FBF1: variants seen among roughly 807,000 people sequenced by gnomAD.
FBF1 encodes fas-binding factor 1.
In FBF1, 119 loss-of-function variants were observed where a neutral mutation model predicts 147.2. The observed-to-expected ratio is 0.81, with a 90% CI of 0.70 to 0.94. The LOEUF is 0.94. Among genes scored for constraint, FBF1 ranks in the 40% least tolerant of loss-of-function variants. The probability of loss-of-function intolerance (pLI) is 0.00; values close to 1 mark genes in which losing one functional copy is unlikely to be tolerated. For synonymous variants in FBF1, 601 were observed against 609.0 expected, an observed-to-expected ratio of 0.99 and a Z score of 0.19; for missense variants, 1,449 against 1,500.8, an observed-to-expected ratio of 0.97 and a Z score of 0.57.
intron 10 of FBF1, 34 bp downstream of exon 10, chr17:75,926,724 C>T (rs1227447284): frequency 3.1e-6 from 5 of 1,593,994 alleles, no homozygotes; most frequent in Admixed American, 3.6e-5. Flanking sequence ...TAAACTCTTC[C>T]TCCAGGATGG....
rs2065578430 is a variant in FBF1 at position 75,928,978 on chromosome 17, A to AC, written c.280-786dup. 6.8e-6 allele frequency among the ~76,000 whole-genome samples: 1 copy of AC among 147,560 alleles called. No individual in the cohort carries two copies. Among genetic ancestry groups the AC allele is most frequent in the African/African-American group, 2.5e-5 (1 of 40,076 alleles). On this transcript the variant is annotated intron_variant, in intron 7 of 29. Transcript: ENST00000636174. This position sits in a 1 kb window ranked among gnomAD's most constrained non-coding sequence, Gnocchi z 4.2. Reference sequence around the variant, plus strand: ...AGTGCTGGCATTACAGGAGTAAGCCACCATGCCAGACTTTTTTTTTTTTTT... The same window carrying AC: ...AGTGCTGGCATTACAGGAGTAAGCCACCCATGCCAGACTTTTTTTTTTTTTT...
chr17:75,920,241 G>GA, intron 18 of FBF1, 33 bp downstream of exon 18: 1 of 1,599,704 alleles, frequency 6.3e-7, no homozygotes, highest in Non-Finnish European at 8.5e-7. Flanking sequence ...TCGCAACCCT[G>GA]CCACCAGCAC....
intron 1 of FBF1, chr17:75,940,467 G>C (rs1392390182): frequency 6.6e-6 from 1 of 151,904 alleles, no homozygotes; most frequent in Non-Finnish European, 1.5e-5. Context: ...TGTTGCCCAG[G>C]GTCGTCCCAG....
Position 75,913,979 on chromosome 17 carries a change from C to G in FBF1, c.3063G>C (p.Gln1021His), listed in dbSNP as rs764140634. The G allele has an allele frequency of 5.1e-6, 8 of 1,564,228 alleles. No homozygotes were observed. In the East Asian group the frequency reaches 1.9e-4, roughly 37 times the overall value. The change falls in exon 27 of 30, where the codon CAG (glutamine) becomes CAC (histidine). Residue 1021 changes from glutamine (Q) to histidine (H), a missense_variant. Gln to His is a conservative substitution (Grantham distance 24). Transcript: ENST00000636174. ...GTTGCTGCACCGCCTGCAACCGGGC[C>G]TGCTGCTCTGCCTGCACCTGCTGGG... ...REAQQVQAEQ[Q>H]ARLQAVQQQQ...
chr17:75,914,116 C>A lies in FBF1; in HGVS notation c.2991+6G>T. On this transcript the variant is annotated splice_donor_region_variant and intron_variant, in intron 26 of 29. Coordinates refer to ENST00000636174, the MANE Select transcript of FBF1 (RefSeq NM_001319193.2). ...ATGCGCCCACGCCCATGTGCCCGAG[C>A]AGCACCTTGCTCATGCTCTCCACCT... The A allele has an allele frequency of 1.3e-6, 2 of 1,598,610 alleles. No individual in the cohort carries two copies. The highest frequency in any genetic ancestry group is 8.5e-7 in the Non-Finnish European group (1 of 1,176,278).
In FBF1 at chr17:75,927,800, C is replaced by T. The variant is rs555416898; in HGVS notation, c.398-268G>A. ...GAGGCACAGGCTGCCATAGAGTTCT[C>T]CATTTTAACTCACACAGCTTCTCCA... On this transcript the variant is annotated intron_variant, in intron 8 of 29. Transcript: ENST00000636174. Among the ~76,000 whole-genome samples the T allele has an allele frequency of 4.8e-4, 73 of 152,268 alleles. 1 individual carries two copies. The East Asian group carries it at 6.0e-3, about 12-fold the overall frequency.
rs566321659 is a variant in FBF1 at position 75,923,722 on chromosome 17, C to T, written c.969-81G>A. On this transcript the variant is annotated intron_variant, in intron 13 of 29. Transcript: ENST00000636174. The surrounding 1 kb of genome is among the most constrained non-coding windows in gnomAD (Gnocchi z 4.1). Reference sequence around the variant, plus strand: ...CCTAGCAGCCTGCAGCTGGGCGTCACGATGCCCAGGGACCCTGCACAGTCA... The same window carrying T: ...CCTAGCAGCCTGCAGCTGGGCGTCATGATGCCCAGGGACCCTGCACAGTCA... 85 of 1,357,976 alleles carry T rather than the reference C, an allele frequency of 6.3e-5. No individual in the cohort carries two copies. In the Middle Eastern group the frequency reaches 1.5e-3, roughly 23 times the overall value. The allele number at this position is 1,357,976 out of a possible 1,614,324, so 84.1% of individuals were successfully genotyped here. A position where few individuals can be genotyped will look rare whatever the true frequency, so the allele number is the denominator to read the frequency against.
Position 75,926,957 on chromosome 17 carries a change from C to T in FBF1, c.476-80G>A, listed in dbSNP as rs138949786. On this transcript the variant is annotated intron_variant, in intron 9 of 29. Transcript: ENST00000636174. Reference sequence around the variant, plus strand: ...CAAGCCTGAACTGGGGAGCAGCGCTCGAGTCAAGGCTTCTAGCTGCTCCAG... The same window carrying T: ...CAAGCCTGAACTGGGGAGCAGCGCTTGAGTCAAGGCTTCTAGCTGCTCCAG... 1.2e-3 allele frequency: 1,912 copies of T among 1,535,366 alleles called. 21 individuals carry two copies. In the African/African-American group the frequency reaches 0.021, roughly 17 times the overall value.
Position 75,914,762 on chromosome 17 carries a change from G to A in FBF1, c.2799C>T (p.Leu933=), listed in dbSNP as rs1397795400. 2.5e-6 allele frequency: 4 copies of A among 1,578,152 alleles called. No homozygotes were observed. The highest frequency in any genetic ancestry group is 1.8e-5 in the Admixed American group (1 of 54,734). ...LQVDTQREGT[L]ISLAKEQAEL... is the part of the protein sequence containing the mutation. ...TGGGCCCTACCTTGGCCAGGCTGAT[G>A]AGGGTGCCCTCCCGCTGGGTGTCCA... The change falls in exon 25 of 30, where the codon CTC becomes CTT. Residue 933 remains leucine, a synonymous_variant. Coordinates refer to ENST00000636174, the MANE Select transcript of FBF1 (RefSeq NM_001319193.2).
intron 4 of FBF1, among the ~76,000 whole-genome samples, chr17:75,935,166 ATT>A (rs556762409): frequency 7.0e-5 from 10 of 142,436 alleles, no homozygotes; most frequent in Non-Finnish European, 9.2e-5. Context: ...ATTACATCTC[ATT>A]TTTTTTTTTT....
At position 75,910,843 on chromosome 17, in the gene FBF1, G is replaced by A; in HGVS notation, c.3364-37C>T. 6.5e-7 allele frequency: 1 copy of A among 1,541,510 alleles called. No homozygotes were observed. The highest frequency in any genetic ancestry group is 8.9e-7 in the Non-Finnish European group (1 of 1,129,000). ...GTTTGGATGGGCGGTCACCTTCCCT[G>A]AGCTGAGAGGGAGGTGGAGCCCTGG... is the stretch of plus-strand genomic sequence containing the variant. On this transcript the variant is annotated intron_variant, in intron 29 of 29. Transcript: ENST00000636174. This position sits in a 1 kb window ranked among gnomAD's most constrained non-coding sequence, Gnocchi z 4.1.
At position 75,926,420 on chromosome 17, in the gene FBF1, G is replaced by T. The variant is rs2065562381; in HGVS notation, c.602C>A (p.Ser201Tyr). The change falls in exon 11 of 30, where the codon TCT becomes TAT. Residue 201 changes from serine (S) to tyrosine (Y), a missense_variant. By Grantham distance (144) the Ser-to-Tyr change is moderately radical (BLOSUM62 -2). Transcript: ENST00000636174. The stretch of plus-strand genomic sequence containing the variant: ...GGTGTCCCCAGGAGTTAGAGGAATA[G>T]AGGGACCTGAAAGACAAAACAAGGC... ...SPSTVRDQGPSIPLTPGDTPI... is the reference protein window; with the variant it reads ...SPSTVRDQGPYIPLTPGDTPI... The T allele has an allele frequency of 1.3e-6, 2 of 1,565,730 alleles. No homozygotes were observed. Among genetic ancestry groups the T allele is most frequent in the Non-Finnish European group, 1.7e-6 (2 of 1,158,350 alleles).
rs1281456371 is a variant in FBF1 at position 75,910,698 on chromosome 17, G to A, written c.*25C>T. 2 of 1,594,076 alleles carry A rather than the reference G, an allele frequency of 1.3e-6. No homozygotes were observed. The highest frequency in any genetic ancestry group is 2.3e-5 in the East Asian group (1 of 44,272). On this transcript the variant is annotated 3_prime_UTR_variant, in exon 30 of 30. Transcript: ENST00000636174. The surrounding 1 kb of genome is among the most constrained non-coding windows in gnomAD (Gnocchi z 4.1). Reference sequence around the variant, plus strand: ...GACAGTTCTGGGGTCCGAACCCTCTGTTGGGGAATCGGCTGGGGTCCCACT... The same window carrying A: ...GACAGTTCTGGGGTCCGAACCCTCTATTGGGGAATCGGCTGGGGTCCCACT...
At chr17:75,912,569 C>A (rs2065462640) in intron 28 of FBF1, among the ~76,000 whole-genome samples, 1 of 152,228 alleles carries the variant, frequency 6.6e-6, no homozygotes, top group Non-Finnish European at 1.5e-5. Flanking sequence ...ACTGGGTAGT[C>A]TTTCTCTTTA....
At chr17:75,921,759 C>T (rs1222231709) in intron 15 of FBF1, among the ~76,000 whole-genome samples, 186 bp downstream of exon 15, 2 of 76,442 alleles carry the variant, frequency 2.6e-5, no homozygotes, top group Non-Finnish European at 5.1e-5. Flanking sequence ...AGGTGGGACA[C>T]GGGGATGGGG....
intron 28 of FBF1, chr17:75,913,464 T>A (rs553391822): frequency 1.5e-4 from 67 of 433,124 alleles, no homozygotes; most frequent in African/African-American, 1.2e-3. Flanking sequence ...TGACTTTTTT[T>A]ATTTCCTTTT....
intron 7 of FBF1, 52 bp downstream of exon 7, chr17:75,929,945 A>ACGGGCC: frequency 1.7e-5 from 11 of 650,890 alleles, no homozygotes; most frequent in East Asian, 2.8e-5. Context: ...AAATATCATG[A>ACGGGCC]CCCCACCCCA....
chr17:75,926,500 T>G (rs2065562775), intron 10 of FBF1, 74 bp from the exon 11 acceptor site: 2 of 1,467,244 alleles, frequency 1.4e-6, no homozygotes, highest in South Asian at 2.9e-5. Flanking sequence ...GGGTTGGGGG[T>G]GGTTTCTCTG....
chr17:75,921,844 G>T, intron 15 of FBF1, 101 bp downstream of exon 15: 1 of 1,084,394 alleles, frequency 9.2e-7, no homozygotes, highest in Non-Finnish European at 1.3e-6. Flanking sequence ...ACGGGGACGG[G>T]GCAGGGGCAG....
Sources: allele counts gnomAD v4.1 joint callset (sites outside exome capture counted in the v4.1 genomes callset), GRCh38; gene constraint gnomAD v4.1.1; non-coding constraint Gnocchi (gnomAD v3.1); transcripts MANE v1.5; gene names NCBI Gene and HGNC (gene_info 2026-07-23, HGNC 2026-07-21).